Variants in PRRX1 observed in about 807,000 individuals in gnomAD.
PRRX1 encodes the protein paired related homeobox 1.
Under a neutral mutation model 24.0 loss-of-function variants are expected in PRRX1, and 8 were observed. The observed-to-expected ratio is 0.33, with a 90% CI of 0.20 to 0.60. The LOEUF is 0.60. Among genes scored for constraint, PRRX1 ranks in the 20% least tolerant of loss-of-function variants. The probability of loss-of-function intolerance (pLI) is 0.82; values close to 1 mark genes in which losing one functional copy is unlikely to be tolerated. For synonymous variants in PRRX1, 160 were observed against 131.7 expected (o/e 1.22, Z -1.47); for missense variants, 281 against 322.4 (o/e 0.87, Z 0.98).
intron 1 of PRRX1, among the ~76,000 whole-genome samples, chr1:170,717,034 C>T (rs935459734): frequency 2.0e-5 from 3 of 152,240 alleles, no homozygotes; most frequent in Admixed American, 6.5e-5. Flanking sequence ...GTTGCCCGCT[C>T]ATCGTCTCTT....
chr1:170,699,877 A>T (rs1382936802), intron 1 of PRRX1, among the ~76,000 whole-genome samples: 1 of 152,096 alleles, frequency 6.6e-6, no homozygotes, highest in Admixed American at 6.5e-5. Context: ...CTGGGATTAC[A>T]GACGCCTGCC....
At chr1:170,728,102 C>T (rs1655313553) in intron 3 of PRRX1, 1 of 152,136 alleles carries the variant, frequency 6.6e-6, no homozygotes. Context: ...CTGGGTCCTC[C>T]ATAGGAACTT....
chr1:170,688,769 T>C (rs1422441854), intron 1 of PRRX1, among the ~76,000 whole-genome samples: 1 of 152,190 alleles, frequency 6.6e-6, no homozygotes, highest in African/African-American at 2.4e-5. Flanking sequence ...GAGTTTGTCT[T>C]TGTTCTGGGA....
chr1:170,692,549 G>C (rs1571326317), intron 1 of PRRX1, among the ~76,000 whole-genome samples: 1 of 147,806 alleles, frequency 6.8e-6, no homozygotes, highest in Non-Finnish European at 1.5e-5. Flanking sequence ...CAGGCCACTA[G>C]AGTTCTACTA....
chr1:170,707,316 A>G (rs1654601702), intron 1 of PRRX1, among the ~76,000 whole-genome samples: 1 of 152,182 alleles, frequency 6.6e-6, no homozygotes, highest in South Asian at 2.1e-4. Flanking sequence ...ATAACCAAAT[A>G]GAACAAAGTG....
intron 2 of PRRX1, among the ~76,000 whole-genome samples, chr1:170,723,240 C>G (rs756152601): frequency 2.6e-5 from 4 of 152,192 alleles, no homozygotes; most frequent in African/African-American, 4.8e-5. Context: ...CCAGGCCCTT[C>G]ATGCTGCACA....
rs531514006 is a variant in PRRX1, at chr1:170,736,745, T to C, written c.*559T>C. ...CCTTTCTCATTGTCTCCATCTTTGTTGGTCATGGTAAGGTTTTTCCATCAG... is the reference window on the plus strand; with the variant it reads ...CCTTTCTCATTGTCTCCATCTTTGTCGGTCATGGTAAGGTTTTTCCATCAG... On this transcript the variant is annotated 3_prime_UTR_variant, in exon 4 of 4. Coordinates refer to ENST00000239461, the MANE Select transcript of PRRX1 (RefSeq NM_022716.4). 43 of 181,424 alleles carry C rather than the reference T, an allele frequency of 2.4e-4. No individual in the cohort carries two copies. The Admixed American group carries it at 2.8e-3, about 12-fold the overall frequency. The allele number at this position is 181,424 out of a possible 1,614,324, so 11.2% of individuals were successfully genotyped here. A position where few individuals can be genotyped will look rare whatever the true frequency, so the allele number is the denominator to read the frequency against.
chr1:170,664,214 A>G lies in PRRX1; in HGVS notation c.-5A>G, dbSNP rs780233067. On this transcript the variant is annotated 5_prime_UTR_variant, in exon 1 of 4. Transcript: ENST00000239461. ...GGGGGGTGGGTGGGATCGGTGGGGG[A>G]GACCATGACCTCCAGCTACGGGCAC... 5.6e-6 allele frequency: 9 copies of G among 1,607,760 alleles called. No homozygotes were observed. The highest frequency in any genetic ancestry group is 7.6e-6 in the Non-Finnish European group (9 of 1,177,762).
At chr1:170,732,713 ACTTCTT>A (rs1655472384) in intron 3 of PRRX1, among the ~76,000 whole-genome samples, 1 of 152,142 alleles carries the variant, frequency 6.6e-6, no homozygotes, top group African/African-American at 2.4e-5. Context: ...CTTTTATCCT[ACTTCTT>A]GCGGCTATAG....
chr1:170,724,998 C>A (rs1456236865), intron 2 of PRRX1, among the ~76,000 whole-genome samples: 2 of 152,136 alleles, frequency 1.3e-5, no homozygotes, highest in Non-Finnish European at 2.9e-5. Flanking sequence ...TGCTTTACTT[C>A]TCTTCTTAGC....
chr1:170,708,812 A>G (rs1187529311), intron 1 of PRRX1, among the ~76,000 whole-genome samples: 1 of 152,188 alleles, frequency 6.6e-6, no homozygotes, highest in Non-Finnish European at 1.5e-5. Flanking sequence ...TGCATGAGAA[A>G]CCTGCATAAC....
intron 1 of PRRX1, among the ~76,000 whole-genome samples, chr1:170,719,058 C>G (rs944490475): frequency 3.3e-5 from 5 of 152,154 alleles, no homozygotes. Context: ...AGGGAGTGAG[C>G]CCCAGGCTAA....
rs1160655825 is a variant in PRRX1 at position 170,736,157 on chromosome 1, C to T, written c.709C>T (p.Gln237Ter). The T allele has an allele frequency of 6.2e-7, 1 of 1,614,130 alleles. No individual in the cohort carries two copies. Among genetic ancestry groups the T allele is most frequent in the Non-Finnish European group, 8.5e-7 (1 of 1,180,002 alleles). Residue 237 changes from glutamine to a stop codon, truncating the protein, a stop_gained, in exon 4 of 4, where the codon CAG becomes TAG. Coordinates refer to ENST00000239461, the MANE Select transcript of PRRX1 (RefSeq NM_022716.4). LOFTEE classifies it high-confidence loss of function. ...ACTGAAGGCCAAGGAATATAGTTTA[C>T]AGAGGAACCAGGTGCCAACAGTCAA... ...LRLKAKEYSL[Q>*]RNQVPTVN
intron 1 of PRRX1, among the ~76,000 whole-genome samples, chr1:170,706,550 TG>T (rs1469286193): frequency 8.5e-5 from 13 of 152,222 alleles, no homozygotes; most frequent in Non-Finnish European, 1.0e-4. Flanking sequence ...TCTGATCCAC[TG>T]ACGTTCCCCC....
At chr1:170,714,277 T>C (rs1393078407) in intron 1 of PRRX1, among the ~76,000 whole-genome samples, 3 of 152,204 alleles carry the variant, frequency 2.0e-5, no homozygotes, top group Non-Finnish European at 4.4e-5. Flanking sequence ...TTCCAAAGGT[T>C]ACGGGGCCTG....
At chr1:170,679,580 C>T (rs763584993) in intron 1 of PRRX1, among the ~76,000 whole-genome samples, 15 of 151,854 alleles carry the variant, frequency 9.9e-5, no homozygotes, top group Non-Finnish European at 2.1e-4. Flanking sequence ...TTTGTATTTT[C>T]AGTAGAGACG....
chr1:170,728,825 A>G (rs1242992239), intron 3 of PRRX1: 1 of 152,232 alleles, frequency 6.6e-6, no homozygotes, highest in Non-Finnish European at 1.5e-5. Flanking sequence ...CTATGTTATG[A>G]TTTCACACTT....
At chr1:170,698,812 G>T (rs1654257165) in intron 1 of PRRX1, among the ~76,000 whole-genome samples, 1 of 152,126 alleles carries the variant, frequency 6.6e-6, no homozygotes, top group African/African-American at 2.4e-5. Context: ...GAAGGGAGAC[G>T]AGGGCTGGAG....
At chr1:170,691,209 G>C (rs1371142066) in intron 1 of PRRX1, among the ~76,000 whole-genome samples, 2 of 152,064 alleles carry the variant, frequency 1.3e-5, no homozygotes, top group Non-Finnish European at 2.9e-5. Context: ...ATAAATGAAA[G>C]AAATAAAGCA....
Sources: gnomAD v4.1 joint callset for allele counts (sites outside exome capture counted in the v4.1 genomes callset) on GRCh38, gnomAD v4.1.1 for gene constraint, MANE v1.5 for transcripts, NCBI Gene and HGNC (gene_info 2026-07-23, HGNC 2026-07-21) for gene names.